MRPS6: variants seen among roughly 807,000 people sequenced by gnomAD.
MRPS6 encodes small ribosomal subunit protein bS6m.
In MRPS6, 6 loss-of-function variants were observed where a neutral mutation model predicts 13.1. That is an observed-to-expected ratio of 0.46 (90% CI 0.25 to 0.91). The LOEUF (loss-of-function observed/expected upper bound fraction) is 0.91. Among genes scored for constraint, MRPS6 ranks in the 40% least tolerant of loss-of-function variants. The pLI, the probability that MRPS6 is intolerant of heterozygous loss-of-function variation, is 0.18. For synonymous variants in MRPS6, 61 were observed against 56.5 expected, an observed-to-expected ratio of 1.08 and a Z score of -0.36; for missense variants, 164 against 155.6, an observed-to-expected ratio of 1.05 and a Z score of -0.29.
At chr21:34,074,645 G>T (rs1281189195) in intron 1 of MRPS6, among the ~76,000 whole-genome samples, 1 of 152,212 alleles carries the variant, frequency 6.6e-6, no homozygotes, top group Non-Finnish European at 1.5e-5. Flanking sequence ...CCGTGAATTC[G>T]GAATTCGGTA....
At chr21:34,077,894 C>G (rs1569411770) in intron 1 of MRPS6, among the ~76,000 whole-genome samples, 2 of 152,118 alleles carry the variant, frequency 1.3e-5, no homozygotes, top group Non-Finnish European at 2.9e-5. Flanking sequence ...GAACACCTGG[C>G]AAAAGTTTTG....
chr21:34,135,971 C>G (rs1980683961), intron 2 of MRPS6: 2 of 362,552 alleles, frequency 5.5e-6, no homozygotes, highest in African/African-American at 4.3e-5. Context: ...ATCTGCATAT[C>G]ATCATTTGTG....
intron 1 of MRPS6, chr21:34,123,169 C>G (rs1442071179): frequency 1.3e-5 from 2 of 152,078 alleles, no homozygotes; most frequent in African/African-American, 4.8e-5. Context: ...AAGCCTTAAG[C>G]CAATACTTAG....
chr21:34,124,629 T>G (rs971080125), intron 1 of MRPS6: 1 of 152,060 alleles, frequency 6.6e-6, no homozygotes, highest in African/African-American at 2.4e-5. Flanking sequence ...GTTCATTCAT[T>G]CTTTGTACCT....
intron 1 of MRPS6, among the ~76,000 whole-genome samples, chr21:34,088,073 C>T (rs990717692): frequency 3.0e-4 from 45 of 152,218 alleles, no homozygotes; most frequent in African/African-American, 5.5e-4. Flanking sequence ...AACTACAACA[C>T]TTCATCCATT....
At chr21:34,117,936 TTTAG>T (rs1232805266) in intron 1 of MRPS6, among the ~76,000 whole-genome samples, 1 of 152,212 alleles carries the variant, frequency 6.6e-6, no homozygotes, top group Non-Finnish European at 1.5e-5. Context: ...ACGAGTGCTT[TTTAG>T]TTAATATATT....
chr21:34,093,059 A>T (rs1389102595), intron 1 of MRPS6, among the ~76,000 whole-genome samples: 4 of 152,218 alleles, frequency 2.6e-5, no homozygotes, highest in Non-Finnish European at 4.4e-5. Flanking sequence ...ACCTTTTTAA[A>T]TAATGTTTAC....
Position 34,135,731 on chromosome 21 carries a change from T to G in MRPS6, c.186-6677T>G, listed in dbSNP as rs115959058. 3.2e-4 allele frequency: 139 copies of G among 430,748 alleles called. 2 individuals are homozygous for G. Among genetic ancestry groups the G allele is most frequent in the African/African-American group, 2.6e-3 (127 of 48,704 alleles). 26.7% of individuals were successfully genotyped at this position (430,748 alleles called of 1,614,324 possible). A position where few individuals can be genotyped will look rare whatever the true frequency, so the allele number is the denominator to read the frequency against. On this transcript the variant is annotated intron_variant, in intron 2 of 2. Coordinates refer to ENST00000399312, the MANE Select transcript of MRPS6 (RefSeq NM_032476.4). ...TTCACCAGGACCTGGAGGTGAGGGT[T>G]CTCGCCTGTGAGCAGGTGGATGAAA...
At chr21:34,078,677 G>C (rs1037721684) in intron 1 of MRPS6, among the ~76,000 whole-genome samples, 3 of 152,104 alleles carry the variant, frequency 2.0e-5, no homozygotes, top group African/African-American at 7.2e-5. Flanking sequence ...TAGTGCCTTT[G>C]CTGTGTTTGT....
intron 1 of MRPS6, chr21:34,123,813 G>C (rs1228580451): frequency 8.5e-5 from 13 of 152,110 alleles, no homozygotes; most frequent in African/African-American, 3.1e-4. Flanking sequence ...TTGGCAGCCT[G>C]CTTTCTGGCC....
At chr21:34,088,531 A>G (rs1278106862) in intron 1 of MRPS6, among the ~76,000 whole-genome samples, 1 of 152,210 alleles carries the variant, frequency 6.6e-6, no homozygotes, top group Non-Finnish European at 1.5e-5. Context: ...TTACATATCC[A>G]TCTTGTGTAT....
chr21:34,101,474 GATA>G, intron 1 of MRPS6: 1 of 1,000,010 alleles, frequency 1.0e-6, no homozygotes, highest in Non-Finnish European at 1.2e-6. Flanking sequence ...TTTCAGTGTT[GATA>G]ATAGCCTGAG....
At position 34,098,316 on chromosome 21, in the gene MRPS6, A is replaced by C. The variant is rs569113784; in HGVS notation, c.45+24571A>C. Reference sequence around the variant, plus strand: ...CTTCCTAGGTGGATCCAGTTGGAAGATATGTCCAGAAACCTGAAGAAAAAT... The same window carrying C: ...CTTCCTAGGTGGATCCAGTTGGAAGCTATGTCCAGAAACCTGAAGAAAAAT... On this transcript the variant is annotated intron_variant, in intron 1 of 2. Coordinates refer to ENST00000399312, the MANE Select transcript of MRPS6 (RefSeq NM_032476.4). 12 of 1,000,150 alleles carry C rather than the reference A, an allele frequency of 1.2e-5. No homozygotes were observed. The South Asian group carries it at 4.7e-4, about 39-fold the overall frequency. 62.0% of individuals were successfully genotyped at this position (1,000,150 alleles called of 1,614,324 possible).
chr21:34,087,670 TGCCTGCATAGGAAATA>T (rs1369297497), intron 1 of MRPS6, among the ~76,000 whole-genome samples: 2 of 152,218 alleles, frequency 1.3e-5, no homozygotes, highest in Non-Finnish European at 2.9e-5. Context: ...TACAAAGTGT[TGCCTGCATAGGAAATA>T]GCCAGTCCCA....
Position 34,073,720 on chromosome 21 carries a change from CTT to C in MRPS6, c.22_23del (p.Leu8AsnfsTer36). 6.5e-7 allele frequency: 1 copy of C among 1,528,490 alleles called. No individual in the cohort carries two copies. The highest frequency in any genetic ancestry group is 8.8e-7 in the Non-Finnish European group (1 of 1,131,858). The allele number at this position is 1,528,490 out of a possible 1,614,324, so 94.7% of individuals were successfully genotyped here. A position where few individuals can be genotyped will look rare whatever the true frequency, so the allele number is the denominator to read the frequency against. On this transcript the variant is annotated frameshift_variant, in exon 1 of 3. Transcript: ENST00000399312. LOFTEE classifies it high-confidence loss of function. ...CCAGGCATGCCCCGCTACGAGCTGG[CTT>C]TAATCCTGAAAGCCATGCAGCGGGT... is the stretch of plus-strand genomic sequence containing the variant.
At chr21:34,100,507 T>C (rs751961886) in intron 1 of MRPS6, 336 of 1,000,130 alleles carry the variant, frequency 3.4e-4, no homozygotes, top group Non-Finnish European at 4.0e-4. Context: ...TCAATAGATC[T>C]CATCTCCTAG....
Position 34,098,196 on chromosome 21 carries a change from G to A in MRPS6, c.45+24451G>A, listed in dbSNP as rs548792282. The stretch of plus-strand genomic sequence containing the variant: ...GGAAATGACCAGCCCCCTAAGCAGT[G>A]TTTGATTAACTTATGCTAATCAGAT... On this transcript the variant is annotated intron_variant, in intron 1 of 2. Transcript: ENST00000399312. 27 of 999,456 alleles carry A rather than the reference G, an allele frequency of 2.7e-5. No individual in the cohort carries two copies. The African/African-American group carries it at 4.2e-4, about 16-fold the overall frequency. The allele number at this position is 999,456 out of a possible 1,614,324, so 61.9% of individuals were successfully genotyped here.
Position 34,073,641 on chromosome 21 carries a change from C to A in MRPS6, c.-60C>A, listed in dbSNP as rs11557341. ...TAGGTCCCCACTGTCCCCGCCGTCCCGCCCCTTCGCGTCCCGGGAACCGGC... is the reference window on the plus strand; with the variant it reads ...TAGGTCCCCACTGTCCCCGCCGTCCAGCCCCTTCGCGTCCCGGGAACCGGC... On this transcript the variant is annotated 5_prime_UTR_variant, in exon 1 of 3. Coordinates refer to ENST00000399312, the MANE Select transcript of MRPS6 (RefSeq NM_032476.4). 1.0e-5 allele frequency: 15 copies of A among 1,457,804 alleles called. No individual in the cohort carries two copies. The highest frequency in any genetic ancestry group is 1.2e-5 in the Non-Finnish European group (13 of 1,074,516). The allele number at this position is 1,457,804 out of a possible 1,614,324, so 90.3% of individuals were successfully genotyped here.
intron 2 of MRPS6, among the ~76,000 whole-genome samples, chr21:34,141,795 C>CGG (rs1465227032): frequency 3.3e-5 from 5 of 152,166 alleles, no homozygotes; most frequent in Admixed American, 6.5e-5. Flanking sequence ...GTGAGCCGTG[C>CGG]GGGATGCCCG....
Sources: allele counts gnomAD v4.1 joint callset (sites outside exome capture counted in the v4.1 genomes callset), GRCh38; gene constraint gnomAD v4.1.1; transcripts MANE v1.5; gene names NCBI Gene and HGNC (gene_info 2026-07-23, HGNC 2026-07-21).